Variants in ROBO2 observed in about 807,000 individuals in gnomAD.
ROBO2 encodes roundabout guidance receptor 2.
ROBO2 carries 53 observed loss-of-function variants against 160.8 expected under a neutral mutation model. The ratio of observed to expected loss-of-function variants is 0.33; its 90% CI spans 0.26 to 0.41. ROBO2 has a LOEUF of 0.41. Among genes scored for constraint, ROBO2 ranks in the 10% least tolerant of loss-of-function variants. ROBO2 has a pLI of 1.00. For missense variants in ROBO2, 1,577 were observed against 1,722.4 expected (o/e 0.92, Z 1.49); for synonymous variants, 664 against 611.7 (o/e 1.09, Z -1.26).
At chr3:77,520,943 C>G (rs745725616) in intron 5 of ROBO2, among the ~76,000 whole-genome samples, 23 of 151,254 alleles carry the variant, frequency 1.5e-4, no homozygotes, top group Non-Finnish European at 3.0e-4. Context: ...TTGCTCTAAA[C>G]TATACTCAGG....
chr3:77,166,557 T>TTTTGTTTG (rs558460197), intron 2 of ROBO2, among the ~76,000 whole-genome samples: 1 of 152,106 alleles, frequency 6.6e-6, no homozygotes, highest in Admixed American at 6.5e-5. Context: ...GAAGTGTTTT[T>TTTTGTTTG]TTTGTTTGTT....
rs71104628 is a variant in ROBO2, at chr3:76,834,062, T to TTTTCTTTCTTTCTTTCTTTCTTTCTTTC, written c.110-263926_110-263899dup. On this transcript the variant is annotated intron_variant, in intron 2 of 26. Transcript: ENST00000487694. Reference sequence around the variant, plus strand: ...TTCCTTTCTTTCTCTCCTTTCTTTCTTTTCTTTCTTTCTTTCTTTCTTTCT... The same window carrying TTTTCTTTCTTTCTTTCTTTCTTTCTTTC: ...TTCCTTTCTTTCTCTCCTTTCTTTCTTTTCTTTCTTTCTTTCTTTCTTTCTTTCTTTCTTTCTTTCTTTCTTTCTTTCT... Among the ~76,000 whole-genome samples the TTTTCTTTCTTTCTTTCTTTCTTTCTTTC allele has an allele frequency of 1.0e-3, 88 of 88,086 alleles. 1 individual carries two copies. Among genetic ancestry groups the TTTTCTTTCTTTCTTTCTTTCTTTCTTTC allele is most frequent in the East Asian group, 1.9e-3 (5 of 2,694 alleles). 57.8% of individuals were successfully genotyped at this position (88,086 alleles called of 152,430 possible).
intron 2 of ROBO2, among the ~76,000 whole-genome samples, chr3:76,477,003 T>G (rs573489820): frequency 6.6e-6 from 1 of 152,184 alleles, no homozygotes; most frequent in Admixed American, 6.5e-5. Flanking sequence ...CAGGTTCATA[T>G]TCTGGCTTAT....
intron 2 of ROBO2, among the ~76,000 whole-genome samples, chr3:76,031,342 A>T (rs2066913036): frequency 6.6e-6 from 1 of 152,190 alleles, no homozygotes; most frequent in East Asian, 1.9e-4. Flanking sequence ...TTCCTAATTG[A>T]ATACCCTTTA....
chr3:77,536,926 A>C (rs1190248975), intron 6 of ROBO2, among the ~76,000 whole-genome samples: 1 of 152,132 alleles, frequency 6.6e-6, no homozygotes, highest in African/African-American at 2.4e-5. Flanking sequence ...AAAATGCAAG[A>C]CATTTTGAAC....
chr3:77,165,364 C>T (rs2078977013), intron 2 of ROBO2, among the ~76,000 whole-genome samples: 1 of 148,718 alleles, frequency 6.7e-6, no homozygotes, highest in Non-Finnish European at 1.5e-5. Context: ...TTGAAAGCAG[C>T]ATGCTCGTTA....
intron 2 of ROBO2, among the ~76,000 whole-genome samples, chr3:76,730,377 C>T (rs1164918897): frequency 2.0e-5 from 1 of 49,436 alleles, no homozygotes; most frequent in East Asian, 4.8e-4. Flanking sequence ...CTTGTCCTCA[C>T]CTCCTACTCC....
At chr3:76,886,408 A>AAG (rs2073892496) in intron 2 of ROBO2, among the ~76,000 whole-genome samples, 1 of 151,874 alleles carries the variant, frequency 6.6e-6, no homozygotes, top group Non-Finnish European at 1.5e-5. Flanking sequence ...AAAAAAAAAA[A>AAG]CAACCTTTCT....
intron 24 of ROBO2, 131 bp downstream of exon 25, chr3:77,635,174 A>AT: frequency 2.2e-6 from 2 of 917,020 alleles, no homozygotes; most frequent in Admixed American, 4.5e-5. Flanking sequence ...ACCTGGCAAT[A>AT]TGGCCTTGTT....
At chr3:76,325,203 G>A (rs965764169) in intron 2 of ROBO2, among the ~76,000 whole-genome samples, 1 of 152,112 alleles carries the variant, frequency 6.6e-6, no homozygotes, top group African/African-American at 2.4e-5. Context: ...CAATGTAAAC[G>A]CTCTGCTGTA....
intron 2 of ROBO2, among the ~76,000 whole-genome samples, chr3:76,564,319 T>C (rs1171112612): frequency 3.3e-5 from 5 of 152,328 alleles, no homozygotes; most frequent in South Asian, 2.1e-4. Flanking sequence ...TGAAGAAATA[T>C]CATAAATGCT....
At chr3:76,317,126 A>C (rs2072100986) in intron 2 of ROBO2, among the ~76,000 whole-genome samples, 1 of 152,250 alleles carries the variant, frequency 6.6e-6, no homozygotes, top group Non-Finnish European at 1.5e-5. Context: ...CTTTGTAAGT[A>C]ATTTCAAGAG....
chr3:77,577,712 C>A, intron 15 of ROBO2, 98 bp downstream of exon 16: 1 of 1,406,334 alleles, frequency 7.1e-7, no homozygotes, highest in South Asian at 1.2e-5. Context: ...TTCTCTTATT[C>A]AGTTTAAGTG....
chr3:76,360,750 C>G (rs1370571973), intron 2 of ROBO2, among the ~76,000 whole-genome samples: 3 of 152,004 alleles, frequency 2.0e-5, no homozygotes, highest in Non-Finnish European at 2.9e-5. Flanking sequence ...TCTTACAAAG[C>G]TTTTAAAAGG....
intron 2 of ROBO2, among the ~76,000 whole-genome samples, chr3:77,196,922 G>T (rs2082359721): frequency 6.7e-6 from 1 of 150,246 alleles, no homozygotes; most frequent in Non-Finnish European, 1.5e-5. Flanking sequence ...CAAAATATGA[G>T]AACAATTTGG....
chr3:77,410,555 T>TTCCTCCTCCTCTTCCTCC (rs1308434163), intron 2 of ROBO2, among the ~76,000 whole-genome samples: 4 of 42,272 alleles, frequency 9.5e-5, no homozygotes, highest in South Asian at 2.7e-3. Context: ...CCTCCTCTTC[T>TTCCTCCTCCTCTTCCTCC]TCCTCCTCTT....
At chr3:76,556,053 T>A (rs1433185345) in intron 2 of ROBO2, among the ~76,000 whole-genome samples, 1 of 151,928 alleles carries the variant, frequency 6.6e-6, no homozygotes, top group Non-Finnish European at 1.5e-5. Context: ...TGAGCTAAGA[T>A]CATGCCATCG....
At chr3:76,553,185 A>T (rs911841174) in intron 2 of ROBO2, among the ~76,000 whole-genome samples, 1 of 152,218 alleles carries the variant, frequency 6.6e-6, no homozygotes, top group Non-Finnish European at 1.5e-5. Context: ...GTTTGGAAAC[A>T]GTCTTTCAGG....
At chr3:76,675,230 C>T (rs573102791) in intron 2 of ROBO2, among the ~76,000 whole-genome samples, 3 of 152,192 alleles carry the variant, frequency 2.0e-5, no homozygotes, top group Non-Finnish European at 2.9e-5. Context: ...CTGAAGGATA[C>T]GAGGAATTAG....
Sources: allele counts gnomAD v4.1 joint callset (sites outside exome capture counted in the v4.1 genomes callset), GRCh38; gene constraint gnomAD v4.1.1; transcripts MANE v1.5; gene names NCBI Gene and HGNC (gene_info 2026-07-23, HGNC 2026-07-21).